BRINP3: variants seen among roughly 807,000 people sequenced by gnomAD.
The protein encoded by BRINP3 is BMP/retinoic acid inducible neural specific 3.
Under a neutral mutation model 71.0 loss-of-function variants are expected in BRINP3, and 19 were observed. The ratio of observed to expected loss-of-function variants is 0.27; its 90% CI spans 0.19 to 0.39. BRINP3 has a LOEUF of 0.39. Ranked by LOEUF, BRINP3 falls within the 10% of genes least tolerant of loss-of-function variation. The probability of loss-of-function intolerance (pLI) is 1.00; values close to 1 mark genes in which losing one functional copy is unlikely to be tolerated. For synonymous variants in BRINP3, 380 were observed against 337.7 expected (o/e 1.13, Z -1.37); for missense variants, 959 against 940.8 (o/e 1.02, Z -0.25).
chr1:190,280,801 G>GA (rs1662977777), intron 3 of BRINP3, among the ~76,000 whole-genome samples: 1 of 151,872 alleles, frequency 6.6e-6, no homozygotes, highest in Non-Finnish European at 1.5e-5. Flanking sequence ...AAATGCAATT[G>GA]TGGGACATGA....
intron 6 of BRINP3, among the ~76,000 whole-genome samples, chr1:190,168,816 T>A (rs2102488972): frequency 6.6e-6 from 1 of 152,336 alleles, no homozygotes; most frequent in African/African-American, 2.4e-5. Context: ...TTAAAACTGC[T>A]ATTCCTGATG....
At chr1:190,122,976 C>G (rs1653799675) in intron 7 of BRINP3, among the ~76,000 whole-genome samples, 1 of 151,102 alleles carries the variant, frequency 6.6e-6, no homozygotes, top group Non-Finnish European at 1.5e-5. Flanking sequence ...TTGAATTATC[C>G]TTCTGTTGGG....
intron 6 of BRINP3, among the ~76,000 whole-genome samples, chr1:190,182,596 G>A (rs558886799): frequency 6.6e-6 from 1 of 152,050 alleles, no homozygotes; most frequent in South Asian, 2.1e-4. Context: ...GTCCACAGCA[G>A]GTATGGCCTT....
chr1:190,158,760 A>C (rs569664421), intron 7 of BRINP3, among the ~76,000 whole-genome samples: 2 of 152,084 alleles, frequency 1.3e-5, no homozygotes, highest in South Asian at 4.1e-4. Flanking sequence ...TGGTATGAAA[A>C]ATAAACTAAA....
intron 2 of BRINP3, among the ~76,000 whole-genome samples, chr1:190,449,402 G>A (rs976981166): frequency 1.3e-5 from 2 of 151,964 alleles, no homozygotes; most frequent in African/African-American, 2.4e-5. Context: ...GGATCATGAA[G>A]AGGTAATCTC....
intron 2 of BRINP3, among the ~76,000 whole-genome samples, chr1:190,381,943 A>T (rs975575955): frequency 9.2e-5 from 14 of 152,232 alleles, no homozygotes; most frequent in Non-Finnish European, 1.9e-4. Flanking sequence ...CTTAAGACAC[A>T]TAAAATTATA....
intron 2 of BRINP3, among the ~76,000 whole-genome samples, chr1:190,296,083 G>A (rs75463969): frequency 1.4e-5 from 2 of 147,330 alleles, no homozygotes; most frequent in Non-Finnish European, 3.0e-5. Flanking sequence ...TTTTGGGGGG[G>A]GGCTGGGCTT....
intron 2 of BRINP3, among the ~76,000 whole-genome samples, chr1:190,383,589 A>G (rs948202333): frequency 7.2e-5 from 11 of 152,106 alleles, no homozygotes; most frequent in African/African-American, 2.7e-4. Context: ...GAAATGAAAC[A>G]TGAGTAGTGA....
rs532369282 is a variant in BRINP3 at position 190,191,242 on chromosome 1, T to C, written c.962-30352A>G. 1.4e-4 allele frequency among the ~76,000 whole-genome samples: 21 copies of C among 152,230 alleles called. No homozygotes were observed. In the South Asian group the frequency reaches 3.7e-3, roughly 27 times the overall value. On this transcript the variant is annotated intron_variant, in intron 6 of 7. Transcript: ENST00000367462. ...TTAAAAACCCCATTTCCAGGTTTCA[T>C]CCTATACAAATTAAATTTAGAGCTA...
chr1:190,395,605 A>G (rs910141991), intron 2 of BRINP3, among the ~76,000 whole-genome samples: 1 of 151,910 alleles, frequency 6.6e-6, no homozygotes, highest in Non-Finnish European at 1.5e-5. Flanking sequence ...ATATGACTAA[A>G]TTAAGAAACA....
intron 7 of BRINP3, among the ~76,000 whole-genome samples, chr1:190,141,553 TCC>T (rs1260036911): frequency 1.4e-5 from 2 of 139,308 alleles, no homozygotes; most frequent in African/African-American, 2.7e-5. Context: ...TTTCTTTCTT[TCC>T]TTTTTTTTTT....
chr1:190,274,136 G>C (rs1231108840), intron 3 of BRINP3, among the ~76,000 whole-genome samples: 1 of 151,420 alleles, frequency 6.6e-6, no homozygotes, highest in African/African-American at 2.4e-5. Context: ...TTGCAAAAGA[G>C]TCCTTCTTCA....
At chr1:190,422,159 G>A (rs189501938) in intron 2 of BRINP3, among the ~76,000 whole-genome samples, 137 of 151,736 alleles carry the variant, frequency 9.0e-4, no homozygotes, top group Middle Eastern at 6.8e-3. Context: ...AATCATAGTG[G>A]TACTTAACTC....
At chr1:190,331,864 C>T (rs1377702837) in intron 2 of BRINP3, among the ~76,000 whole-genome samples, 1 of 151,970 alleles carries the variant, frequency 6.6e-6, no homozygotes, top group Admixed American at 6.6e-5. Context: ...TCACTAGGCT[C>T]TTTCCATTTT....
At chr1:190,357,277 T>C (rs1327539075) in intron 2 of BRINP3, among the ~76,000 whole-genome samples, 4 of 151,968 alleles carry the variant, frequency 2.6e-5, no homozygotes, top group African/African-American at 9.7e-5. Context: ...CAAACCTAGA[T>C]TTTAATTTGA....
intron 6 of BRINP3, among the ~76,000 whole-genome samples, chr1:190,178,021 A>C (rs1244423891): frequency 6.6e-6 from 1 of 152,162 alleles, no homozygotes; most frequent in Non-Finnish European, 1.5e-5. Context: ...TTATAAGAGG[A>C]TTTGTGTCAG....
intron 2 of BRINP3, among the ~76,000 whole-genome samples, chr1:190,324,375 C>A (rs1323043024): frequency 6.6e-6 from 1 of 151,872 alleles, no homozygotes; most frequent in Non-Finnish European, 1.5e-5. Flanking sequence ...GGTTCAGAAC[C>A]AGTGAATTCA....
At chr1:190,125,209 A>G (rs1287260355) in intron 7 of BRINP3, among the ~76,000 whole-genome samples, 2 of 151,950 alleles carry the variant, frequency 1.3e-5, no homozygotes, top group Non-Finnish European at 2.9e-5. Context: ...AATAAAACAG[A>G]GTAAAGAGCT....
intron 2 of BRINP3, among the ~76,000 whole-genome samples, chr1:190,287,165 G>A (rs1194144858): frequency 1.3e-5 from 2 of 152,096 alleles, no homozygotes; most frequent in African/African-American, 4.8e-5. Flanking sequence ...GGCAGAGGTT[G>A]CAGTGAGCCA....
Sources: gnomAD v4.1 joint callset for allele counts (sites outside exome capture counted in the v4.1 genomes callset) on GRCh38, gnomAD v4.1.1 for gene constraint, MANE v1.5 for transcripts, NCBI Gene and HGNC (gene_info 2026-07-23, HGNC 2026-07-21) for gene names.